The following YIPF4 variants were observed in gnomAD, a reference collection of about 807,000 sequenced individuals.
The protein encoded by YIPF4 is protein YIPF4.
Under a neutral mutation model 29.4 loss-of-function variants are expected in YIPF4, and 18 were observed. That is an observed-to-expected ratio of 0.61 (90% CI 0.42 to 0.91). The LOEUF (loss-of-function observed/expected upper bound fraction) is 0.91, where lower values mean the gene tolerates loss of function less well. Among genes scored for constraint, YIPF4 ranks in the 40% least tolerant of loss-of-function variants. The pLI is 0.00. For synonymous variants in YIPF4, 115 were observed against 104.7 expected (o/e 1.10, Z -0.60); for missense variants, 279 against 282.7 (o/e 0.99, Z 0.09).
At chr2:32,301,322 T>C (rs2031396494) in intron 4 of YIPF4, 60 bp from the exon 5 acceptor site, 2 of 1,098,186 alleles carry the variant, frequency 1.8e-6, no homozygotes, top group Admixed American at 1.9e-5. Context: ...GTGTTCAATT[T>C]TGATTAAAAT....
chr2:32,300,239 C>A (rs773745350), intron 4 of YIPF4, among the ~76,000 whole-genome samples: 1 of 148,700 alleles, frequency 6.7e-6, no homozygotes, highest in Non-Finnish European at 1.5e-5. Flanking sequence ...GCACTTTAGC[C>A]TGGGCAACAA....
rs139168883 is a variant in YIPF4, at chr2:32,283,935, G to A, written c.79+5701G>A. 2.3e-3 allele frequency among the ~76,000 whole-genome samples: 346 copies of A among 152,080 alleles called. 4 individuals are homozygous for A. Among genetic ancestry groups the A allele is most frequent in the African/African-American group, 8.0e-3 (333 of 41,480 alleles). On this transcript the variant is annotated intron_variant, in intron 1 of 5. Coordinates refer to ENST00000238831, the MANE Select transcript of YIPF4 (RefSeq NM_032312.4). ...GGGTTTTACCACGTTGGTCAGGCTG[G>A]TCTCAAACTCCTGACCTCAAGTGAT...
chr2:32,292,155 A>G (rs2030946094), intron 2 of YIPF4, 22 bp from the exon 3 acceptor site: 1 of 1,400,556 alleles, frequency 7.1e-7, no homozygotes. Context: ...GCCTTTTGAG[A>G]ATTTTTATTT....
intron 1 of YIPF4, among the ~76,000 whole-genome samples, chr2:32,281,767 C>G (rs2030425926): frequency 6.6e-6 from 1 of 151,736 alleles, no homozygotes; most frequent in East Asian, 1.9e-4. Context: ...CACGCACCTG[C>G]AATCCCAATC....
At chr2:32,304,695 C>A (rs954593387) in intron 5 of YIPF4, among the ~76,000 whole-genome samples, 3 of 152,290 alleles carry the variant, frequency 2.0e-5, no homozygotes, top group South Asian at 2.1e-4. Flanking sequence ...GTCAATATTG[C>A]AAGGTTTAGA....
intron 1 of YIPF4, among the ~76,000 whole-genome samples, chr2:32,281,914 A>AAAAGT (rs58034160): frequency 6.9e-6 from 1 of 145,440 alleles, no homozygotes; most frequent in South Asian, 2.1e-4. Flanking sequence ...AAAAAAAAAA[A>AAAAGT]AGGCAACCAT....
In YIPF4 at chr2:32,305,730, T is replaced by C. The variant is rs35368935; in HGVS notation, c.*104T>C. The C allele has an allele frequency of 0.069, 89,796 of 1,302,888 alleles. 3,658 individuals carry two copies. The highest frequency in any genetic ancestry group is 0.16 in the Admixed American group (4,371 of 27,256). 80.7% of individuals were successfully genotyped at this position (1,302,888 alleles called of 1,614,324 possible). ...AAACCTGTTGCTGCAAAATTTTACA[T>C]GTTCCAGATGGAAAGGGAAGTCTAA... is the stretch of plus-strand genomic sequence containing the variant. On this transcript the variant is annotated 3_prime_UTR_variant, in exon 6 of 6. Coordinates refer to ENST00000238831, the MANE Select transcript of YIPF4 (RefSeq NM_032312.4).
rs1026325737 is a variant in YIPF4, at chr2:32,278,086, C to A, written c.-70C>A. 7.1e-7 allele frequency: 1 copy of A among 1,406,074 alleles called. No homozygotes were observed. Among genetic ancestry groups the A allele is most frequent in the African/African-American group, 1.5e-5 (1 of 66,448 alleles). The allele number at this position is 1,406,074 out of a possible 1,614,324, so 87.1% of individuals were successfully genotyped here. A position where few individuals can be genotyped will look rare whatever the true frequency, so the allele number is the denominator to read the frequency against. On this transcript the variant is annotated 5_prime_UTR_variant, in exon 1 of 6. Coordinates refer to ENST00000238831, the MANE Select transcript of YIPF4 (RefSeq NM_032312.4). ...CGTAGGGCGAGCGTGCGGGTCGCCG[C>A]CGCGGCCGCCTCGGGGTCTGGGCCC...
intron 1 of YIPF4, among the ~76,000 whole-genome samples, chr2:32,283,754 G>A (rs1422591112): frequency 2.0e-5 from 3 of 148,118 alleles, no homozygotes; most frequent in Non-Finnish European, 3.0e-5. Flanking sequence ...GTCTCGCTGT[G>A]TTGCCCGGGC....
At chr2:32,293,984 G>T (rs1022869821) in intron 3 of YIPF4, among the ~76,000 whole-genome samples, 1 of 142,292 alleles carries the variant, frequency 7.0e-6, no homozygotes, top group Non-Finnish European at 1.5e-5. Context: ...GGCTGGCTGG[G>T]CAGGGGGCTG....
Position 32,314,776 on chromosome 2 carries a change from G to A in YIPF4, c.*9150G>A, listed in dbSNP as rs576440643. On this transcript the variant is annotated 3_prime_UTR_variant, in exon 6 of 6. Coordinates refer to ENST00000238831, the MANE Select transcript of YIPF4 (RefSeq NM_032312.4). ...ATAGTTTTGGCATTCAACAAACATT[G>A]GCTGTTATTATATTAGCTATTAAAA... is the stretch of plus-strand genomic sequence containing the variant. The A allele has an allele frequency of 1.3e-5, 2 of 152,212 alleles. No homozygotes were observed. Among genetic ancestry groups the A allele is most frequent in the South Asian group, 4.1e-4 (2 of 4,824 alleles). 9.4% of individuals were successfully genotyped at this position (152,212 alleles called of 1,614,324 possible). A position where few individuals can be genotyped will look rare whatever the true frequency, so the allele number is the denominator to read the frequency against.
intron 1 of YIPF4, among the ~76,000 whole-genome samples, chr2:32,287,453 A>G (rs748793207): frequency 6.6e-6 from 1 of 152,144 alleles, no homozygotes; most frequent in Non-Finnish European, 1.5e-5. Flanking sequence ...AAATAAGGAA[A>G]AGCTTCTTTA....
In YIPF4 at chr2:32,315,782, C is replaced by T. The variant is rs974112370; in HGVS notation, c.*10156C>T. On this transcript the variant is annotated 3_prime_UTR_variant, in exon 6 of 6. Transcript: ENST00000238831. ...TATAAAGCTGGATCTATACCTCACT[C>T]CTTATACCAAAGTACATTACCCTTG... 1 of 151,998 alleles carries T rather than the reference C, an allele frequency of 6.6e-6. No individual in the cohort carries two copies. The highest frequency in any genetic ancestry group is 1.5e-5 in the Non-Finnish European group (1 of 67,988). The allele number at this position is 151,998 out of a possible 1,614,324, so 9.4% of individuals were successfully genotyped here.
At chr2:32,280,858 G>A (rs959844788) in intron 1 of YIPF4, among the ~76,000 whole-genome samples, 11 of 152,132 alleles carry the variant, frequency 7.2e-5, no homozygotes, top group African/African-American at 2.7e-4. Flanking sequence ...TGGTAGCATG[G>A]TGCTTAGGGA....
intron 5 of YIPF4, among the ~76,000 whole-genome samples, chr2:32,305,086 A>G (rs2031529066): frequency 1.3e-5 from 2 of 152,128 alleles, no homozygotes; most frequent in South Asian, 4.1e-4. Context: ...GTAATTTGGT[A>G]TAATAATAGT....
Position 32,306,209 on chromosome 2 carries a change from A to T in YIPF4, c.*583A>T. ...GTTTTTAAAATTGTATATAGTTTTTAAAATCTCACACATGCTTCGATACTT... is the reference window on the plus strand; with the variant it reads ...GTTTTTAAAATTGTATATAGTTTTTTAAATCTCACACATGCTTCGATACTT... On this transcript the variant is annotated 3_prime_UTR_variant, in exon 6 of 6. Transcript: ENST00000238831. The T allele has an allele frequency of 1.1e-6, 1 of 894,902 alleles. No homozygotes were observed. The highest frequency in any genetic ancestry group is 1.3e-6 in the Non-Finnish European group (1 of 747,560). The allele number at this position is 894,902 out of a possible 1,614,324, so 55.4% of individuals were successfully genotyped here.
chr2:32,306,977 C>T lies in YIPF4; in HGVS notation c.*1351C>T, dbSNP rs760917291. On this transcript the variant is annotated 3_prime_UTR_variant, in exon 6 of 6. Transcript: ENST00000238831. The stretch of plus-strand genomic sequence containing the variant: ...AAATGAGTGTGTTATCAAGCCCAGC[C>T]GTCTTCCTTTCCCCTAATCCCAAAA... The T allele has an allele frequency of 3.9e-4, 200 of 510,002 alleles. No homozygotes were observed. Among genetic ancestry groups the T allele is most frequent in the Non-Finnish European group, 5.8e-4 (184 of 319,910 alleles). 31.6% of individuals were successfully genotyped at this position (510,002 alleles called of 1,614,324 possible).
chr2:32,291,502 C>G (rs1263519531), intron 2 of YIPF4, among the ~76,000 whole-genome samples: 1 of 152,148 alleles, frequency 6.6e-6, no homozygotes, highest in African/African-American at 2.4e-5. Context: ...CGAAATTGCC[C>G]CACCGCACTC....
Position 32,305,798 on chromosome 2 carries a change from T to C in YIPF4, c.*172T>C. The C allele has an allele frequency of 1.6e-6, 2 of 1,231,480 alleles. No homozygotes were observed. 76.3% of individuals were successfully genotyped at this position (1,231,480 alleles called of 1,614,324 possible). ...TTTTTTTTGTATTTAATTAAGCAATTGCAGTTATCTGGGATTTTTGGGTCA... is the reference window on the plus strand; with the variant it reads ...TTTTTTTTGTATTTAATTAAGCAATCGCAGTTATCTGGGATTTTTGGGTCA... On this transcript the variant is annotated 3_prime_UTR_variant, in exon 6 of 6. Transcript: ENST00000238831.
Sources: allele counts gnomAD v4.1 joint callset (sites outside exome capture counted in the v4.1 genomes callset), GRCh38; gene constraint gnomAD v4.1.1; transcripts MANE v1.5; gene names NCBI Gene and HGNC (gene_info 2026-07-23, HGNC 2026-07-21).